CATSPERH: variants seen among roughly 807,000 people sequenced by gnomAD.
The protein encoded by CATSPERH is catsper channel auxiliary subunit eta.
the CATSPERH span, chr11:65,088,538 G>T: frequency 6.5e-7 from 1 of 1,532,144 alleles, no homozygotes; most frequent in Non-Finnish European, 8.7e-7. Context: ...AGCACTGGGC[G>T]GGGGACAGAG....
the CATSPERH span, chr11:65,088,713 C>T: frequency 2.6e-5 from 40 of 1,536,030 alleles, 1 homozygote; most frequent in Middle Eastern, 1.7e-4. Flanking sequence ...ATAGAGTGAC[C>T]CCATGGCAGC....
At chr11:65,088,752 T>C in the CATSPERH span, 2 of 1,536,128 alleles carry the variant, frequency 1.3e-6, no homozygotes, top group Non-Finnish European at 1.7e-6. Context: ...CTGGGAGAAC[T>C]GTAGGCCCAT....
chr11:65,088,551 C>G, the CATSPERH span: 3 of 1,527,196 alleles, frequency 2.0e-6, no homozygotes, highest in Non-Finnish European at 2.6e-6. Context: ...GGACAGAGCC[C>G]CCCATGAGCC....
chr11:65,088,914 A>C, the CATSPERH span: 2 of 1,535,768 alleles, frequency 1.3e-6, no homozygotes, highest in Non-Finnish European at 1.7e-6. Flanking sequence ...GTGATGCAGA[A>C]GTTGTGCACG....
the CATSPERH span, chr11:65,088,516 A>G: frequency 6.5e-7 from 1 of 1,535,988 alleles, no homozygotes; most frequent in African/African-American, 1.4e-5. Flanking sequence ...GTTGAAGAAC[A>G]TGGCTCCGTT....
At chr11:65,088,545 A>T in the CATSPERH span, 20 of 1,528,142 alleles carry the variant, frequency 1.3e-5, no homozygotes, top group African/African-American at 2.3e-4. Flanking sequence ...GGCGGGGGAC[A>T]GAGCCCCCCA....
the CATSPERH span, chr11:65,088,394 T>C: frequency 2.0e-6 from 3 of 1,492,882 alleles, no homozygotes; most frequent in Non-Finnish European, 2.7e-6. Context: ...ACAACTTTAT[T>C]AAAACACCCG....
At chr11:65,088,504 C>T in the CATSPERH span, 58 of 1,536,142 alleles carry the variant, frequency 3.8e-5, no homozygotes, top group East Asian at 7.3e-5. Flanking sequence ...CAAGGACAGG[C>T]GGTTGAAGAA....
chr11:65,088,465 T>C, the CATSPERH span: 4 of 1,536,112 alleles, frequency 2.6e-6, no homozygotes, highest in South Asian at 3.6e-5. Flanking sequence ...TCAGTGGTGC[T>C]CCTCCCGGTA....
chr11:65,088,699 C>T, the CATSPERH span: 3 of 1,536,116 alleles, frequency 2.0e-6, no homozygotes, highest in African/African-American at 4.1e-5. Context: ...TCTGTCATCT[C>T]AGCATAGAGT....
At chr11:65,088,491 C>T in the CATSPERH span, 1 of 1,536,214 alleles carries the variant, frequency 6.5e-7, no homozygotes. Context: ...TGGCCAGAAA[C>T]TCCAAGGACA....
the CATSPERH span, chr11:65,088,565 G>A: frequency 6.5e-7 from 1 of 1,527,136 alleles, no homozygotes; most frequent in Non-Finnish European, 8.8e-7. Flanking sequence ...ATGAGCCCCA[G>A]TACCCTTCCC....
At chr11:65,088,922 A>G in the CATSPERH span, 2 of 1,535,786 alleles carry the variant, frequency 1.3e-6, no homozygotes, top group Non-Finnish European at 1.7e-6. Flanking sequence ...GAAGTTGTGC[A>G]CGTCTCTGAT....
the CATSPERH span, chr11:65,088,713 C>G: frequency 6.5e-7 from 1 of 1,536,030 alleles, no homozygotes; most frequent in Non-Finnish European, 8.7e-7. Context: ...ATAGAGTGAC[C>G]CCATGGCAGC....
At chr11:65,088,425 C>G in the CATSPERH span, 42 of 1,535,044 alleles carry the variant, frequency 2.7e-5, no homozygotes, top group Non-Finnish European at 3.7e-5. Flanking sequence ...TTGCTTCCCC[C>G]TCCTTAGCCC....
the CATSPERH span, chr11:65,088,767 TG>T: frequency 6.5e-7 from 1 of 1,535,692 alleles, no homozygotes; most frequent in Non-Finnish European, 8.7e-7. Flanking sequence ...GCCCATCCAG[TG>T]GGAGAGTGGC....
the CATSPERH span, chr11:65,088,896 A>G: frequency 6.5e-7 from 1 of 1,535,772 alleles, no homozygotes; most frequent in Non-Finnish European, 8.7e-7. Context: ...ATGTGGTCAT[A>G]GTGGTAGGTG....
the CATSPERH span, chr11:65,089,084 C>T: frequency 5.6e-6 from 8 of 1,432,914 alleles, no homozygotes; most frequent in Non-Finnish European, 6.6e-6. Context: ...CAAGCAGGCC[C>T]TGCCCAGGAA....
chr11:65,089,061 T>C, the CATSPERH span: 1 of 1,524,718 alleles, frequency 6.6e-7, no homozygotes, highest in Admixed American at 2.0e-5. Flanking sequence ...CAAGTCAGAC[T>C]TGAGAGCTGG....
Sources: gnomAD v4.1 joint callset for allele counts on GRCh38, gnomAD v4.1.1 for gene constraint, MANE v1.5 for transcripts, NCBI Gene and HGNC (gene_info 2026-07-23, HGNC 2026-07-21) for gene names.